Variants in FOLR1 observed in about 807,000 individuals in gnomAD.
The protein encoded by FOLR1 is KB cells FBP.
Under a neutral mutation model 22.8 loss-of-function variants are expected in FOLR1, and 11 were observed. The ratio of observed to expected loss-of-function variants is 0.48; its 90% CI spans 0.30 to 0.80. The LOEUF (loss-of-function observed/expected upper bound fraction) is 0.80, where lower values mean the gene tolerates loss of function less well. FOLR1 is among the 30% of genes least tolerant of loss of function. The pLI is 0.06. For synonymous variants in FOLR1, 108 were observed against 116.5 expected, an observed-to-expected ratio of 0.93 and a Z score of 0.47; for missense variants, 273 against 320.3, an observed-to-expected ratio of 0.85 and a Z score of 1.13.
At position 72,195,692 on chromosome 11, in the gene FOLR1, T is replaced by A. The variant is rs765895524; in HGVS notation, c.438T>A (p.Cys146Ter). 1 of 1,614,130 alleles carries A rather than the reference T, an allele frequency of 6.2e-7. No homozygotes were observed. Among genetic ancestry groups the A allele is most frequent in the East Asian group, 2.2e-5 (1 of 44,886 alleles). Residue 146 changes from cysteine (C) to a stop codon, truncating the protein, a stop_gained, in exon 3 of 4, where the codon TGT becomes TGA. Coordinates refer to ENST00000393676, the MANE Select transcript of FOLR1 (RefSeq NM_016729.3). LOFTEE classifies it high-confidence loss of function. ...KEDCEQWWED[C>*]RTSYTCKSNW... ...ACTGTGAGCAATGGTGGGAAGATTG[T>A]CGCACCTCCTACACCTGCAAGAGCA...
rs1948234466 is a variant in FOLR1 at position 72,196,236 on chromosome 11, A to G, written c.*59A>G. ...GCCCTGTTCAGCCCCACAGCTCCCA[A>G]CTATTTGGTTCCTGCTCCATGGTCG... On this transcript the variant is annotated 3_prime_UTR_variant, in exon 4 of 4. Transcript: ENST00000393676. 3 of 1,595,632 alleles carry G rather than the reference A, an allele frequency of 1.9e-6. No individual in the cohort carries two copies. The highest frequency in any genetic ancestry group is 1.7e-5 in the Admixed American group (1 of 59,436).
upstream of FOLR1, chr11:72,191,948 AACCTCGTGACC>A: frequency 3.6e-6 from 2 of 562,194 alleles, no homozygotes; most frequent in Non-Finnish European, 6.4e-6. Flanking sequence ...ATATCACCTG[AACCTCGTGACC>A]ACCTGGAGAA....
chr11:72,195,216 T>C (rs1036562888), intron 1 of FOLR1, 55 bp from the exon 2 acceptor site: 1 of 1,489,154 alleles, frequency 6.7e-7, no homozygotes, highest in African/African-American at 1.4e-5. Flanking sequence ...TGGAATATTC[T>C]GGCTGTGCTG....
chr11:72,195,457 C>T lies in FOLR1; in HGVS notation c.355C>T (p.Gln119Ter). 1 of 1,614,228 alleles carries T rather than the reference C, an allele frequency of 6.2e-7. No homozygotes were observed. The highest frequency in any genetic ancestry group is 1.1e-5 in the South Asian group (1 of 91,084). ...CSPNLGPWIQQVDQSWRKERV... is the reference protein window; with the variant it reads ...CSPNLGPWIQ ...CCCCAACTTGGGGCCCTGGATCCAGCAGGTATGCATGGCTTCCTGCAGGTA... is the reference window on the plus strand; with the variant it reads ...CCCCAACTTGGGGCCCTGGATCCAGTAGGTATGCATGGCTTCCTGCAGGTA... Residue 119 changes from glutamine (Q) to a stop codon, truncating the protein, a stop_gained and splice_region_variant, in exon 2 of 4, where the codon CAG becomes TAG. Coordinates refer to ENST00000393676, the MANE Select transcript of FOLR1 (RefSeq NM_016729.3). LOFTEE classifies it high-confidence loss of function.
At position 72,192,395 on chromosome 11, in the gene FOLR1, G is replaced by A. The variant is rs1421405652; in HGVS notation, c.168+54G>A. 1.4e-5 allele frequency: 23 copies of A among 1,599,530 alleles called. No individual in the cohort carries two copies. The East Asian group carries it at 1.6e-4, about 11-fold the overall frequency. On this transcript the variant is annotated intron_variant, in intron 1 of 3. Coordinates refer to ENST00000393676, the MANE Select transcript of FOLR1 (RefSeq NM_016729.3). ...AGGGACTGGCTCAGGAAGAGGAAAC[G>A]AGGACATGGAAATGCCAAACCCCAT...
At chr11:72,195,860 G>A (rs373031083) in intron 3 of FOLR1, 37 bp from the exon 4 acceptor site, 37 of 1,613,980 alleles carry the variant, frequency 2.3e-5, no homozygotes, top group Admixed American at 2.2e-4. Context: ...AGATAGTTCC[G>A]GGCCCAGTGG....
chr11:72,191,193 C>T (rs1172057327), upstream of FOLR1, among the ~76,000 whole-genome samples: 3 of 152,262 alleles, frequency 2.0e-5, no homozygotes, highest in African/African-American at 7.2e-5. Context: ...TGTCCCCTGC[C>T]AGCACCCATG....
rs1370484317 is a variant in FOLR1 at position 72,196,099 on chromosome 11, C to T, written c.696C>T (p.Ala232=). 1.2e-6 allele frequency: 2 copies of T among 1,614,190 alleles called. No homozygotes were observed. Among genetic ancestry groups the T allele is most frequent in the East Asian group, 2.2e-5 (1 of 44,880 alleles). ...NEEVARFYAA[A]MSGAGPWAAW... ...AGGTGGCGAGGTTCTATGCTGCAGC[C>T]ATGAGTGGGGCTGGGCCCTGGGCAG... Residue 232 remains alanine (A), a synonymous_variant, in exon 4 of 4, where the codon GCC becomes GCT. Transcript: ENST00000393676.
intron 1 of FOLR1, among the ~76,000 whole-genome samples, chr11:72,192,674 G>T (rs1279257943): frequency 1.3e-5 from 2 of 152,182 alleles, no homozygotes; most frequent in Non-Finnish European, 2.9e-5. Flanking sequence ...GGAAGAAACT[G>T]CACACTGTGC....
In FOLR1 at chr11:72,195,766, A is replaced by G. The variant is rs927144753; in HGVS notation, c.493+19A>G. On this transcript the variant is annotated intron_variant, in intron 3 of 3. Transcript: ENST00000393676. ...ACTTCAGGTGAGGGCTGGGGTGGGC[A>G]GGAATGGAGGGATTTGGAAGTGGAG... The G allele has an allele frequency of 2.5e-6, 4 of 1,614,102 alleles. No homozygotes were observed. In the Admixed American group the frequency reaches 5.0e-5, roughly 20 times the overall value.
chr11:72,191,143 G>A (rs1948150434), upstream of FOLR1, among the ~76,000 whole-genome samples: 1 of 152,142 alleles, frequency 6.6e-6, no homozygotes, highest in South Asian at 2.1e-4. Context: ...GTGGTAGGGG[G>A]CACAGGAGCT....
chr11:72,191,999 G>T (rs115673739), upstream of FOLR1: 342 of 655,984 alleles, frequency 5.2e-4, 1 homozygote, highest in African/African-American at 5.5e-3. Context: ...GGGAGGGGTG[G>T]TGTCTAATCC....
chr11:72,193,188 T>G (rs1010596745), intron 1 of FOLR1, among the ~76,000 whole-genome samples: 2 of 151,716 alleles, frequency 1.3e-5, no homozygotes, highest in African/African-American at 2.4e-5. Context: ...ATAAAAAAAA[T>G]TAGTCAGGTG....
In FOLR1 at chr11:72,193,715, C is replaced by T. The variant is rs182795351; in HGVS notation, c.168+1374C>T. Among the ~76,000 whole-genome samples, 488 of 151,918 alleles carry T rather than the reference C, an allele frequency of 3.2e-3. 5 individuals are homozygous for T. Among genetic ancestry groups the T allele is most frequent in the Non-Finnish European group, 3.1e-3 (208 of 67,996 alleles). ...CACCTCATAATCCGCCCCTCTTGGC[C>T]TCCCAAAGTGCTGAGATTACAGGTG... On this transcript the variant is annotated intron_variant, in intron 1 of 3. Transcript: ENST00000393676.
upstream of FOLR1, among the ~76,000 whole-genome samples, chr11:72,191,339 C>T (rs1267071692): frequency 6.6e-6 from 1 of 152,022 alleles, no homozygotes; most frequent in African/African-American, 2.4e-5. Context: ...ACACTGCAGC[C>T]CCCCCAACTA....
At position 72,195,329 on chromosome 11, in the gene FOLR1, A is replaced by C; in HGVS notation, c.227A>C (p.Lys76Thr). ...ACCAACACCAGCCAGGAAGCCCATA[A>C]GGATGTTTCCTACCTATATAGATTC... ...CSTNTSQEAH[K>T]DVSYLYRFNW... The change falls in exon 2 of 4, where the codon AAG becomes ACG. Residue 76 changes from lysine to threonine, a missense_variant. Lys to Thr is a moderately conservative substitution (Grantham distance 78). Coordinates refer to ENST00000393676, the MANE Select transcript of FOLR1 (RefSeq NM_016729.3). The C allele has an allele frequency of 6.2e-7, 1 of 1,614,062 alleles. No individual in the cohort carries two copies.
upstream of FOLR1, chr11:72,192,079 C>T: frequency 7.0e-7 from 1 of 1,434,898 alleles, no homozygotes; most frequent in African/African-American, 1.4e-5. Context: ...GGCTTCCGTC[C>T]AGGCCCCACC....
upstream of FOLR1, among the ~76,000 whole-genome samples, chr11:72,190,900 G>C (rs997787721): frequency 1.3e-5 from 2 of 152,216 alleles, no homozygotes; most frequent in African/African-American, 4.8e-5. Context: ...GGGGCAGCAC[G>C]GGGGCAAGGC....
Position 72,192,265 on chromosome 11 carries a change from C to A in FOLR1, c.92C>A (p.Thr31Asn). ...EAQTRIAWAR[T>N]ELLNVCMNAK... ...CAGACAAGGATTGCATGGGCCAGGA[C>A]TGAGCTTCTCAATGTCTGCATGAAC... The change falls in exon 1 of 4, where the codon ACT (threonine) becomes AAT (asparagine). Residue 31 changes from threonine to asparagine, a missense_variant. By Grantham distance (65) the Thr-to-Asn change is moderately conservative (BLOSUM62 0). Transcript: ENST00000393676. 6.2e-7 allele frequency: 1 copy of A among 1,614,164 alleles called. No individual in the cohort carries two copies. Among genetic ancestry groups the A allele is most frequent in the Non-Finnish European group, 8.5e-7 (1 of 1,180,026 alleles).
Sources: gnomAD v4.1 joint callset for allele counts (sites outside exome capture counted in the v4.1 genomes callset) on GRCh38, gnomAD v4.1.1 for gene constraint, MANE v1.5 for transcripts, NCBI Gene and HGNC (gene_info 2026-07-23, HGNC 2026-07-21) for gene names.